FTO: variants seen among roughly 807,000 people sequenced by gnomAD.
The protein encoded by FTO is FTO alpha-ketoglutarate dependent dioxygenase.
A neutral mutation model predicts 63.9 loss-of-function variants in FTO; 47 were observed. That is an observed-to-expected ratio of 0.74 (90% CI 0.58 to 0.94). The LOEUF is 0.94. FTO is among the 40% of genes least tolerant of loss of function. The pLI, the probability that FTO is intolerant of heterozygous loss-of-function variation, is 0.00. For missense variants in FTO, 562 were observed against 618.1 expected (o/e 0.91, Z 0.96); for synonymous variants, 207 against 224.4 (o/e 0.92, Z 0.69).
At chr16:53,812,414 G>A (rs1234529009) in intron 2 of FTO, among the ~76,000 whole-genome samples, 1 of 151,950 alleles carries the variant, frequency 6.6e-6, no homozygotes, top group South Asian at 2.1e-4. Flanking sequence ...GTAGAGACAT[G>A]GTTTCACCAT....
chr16:54,023,206 A>T (rs2084638895), intron 8 of FTO, among the ~76,000 whole-genome samples: 1 of 152,180 alleles, frequency 6.6e-6, no homozygotes, highest in African/African-American at 2.4e-5. Flanking sequence ...ATGCACCTTG[A>T]TGCTTGAGTG....
intron 8 of FTO, among the ~76,000 whole-genome samples, chr16:54,019,045 C>G (rs1396474739): frequency 6.6e-6 from 1 of 152,156 alleles, no homozygotes; most frequent in Non-Finnish European, 1.5e-5. Flanking sequence ...TCAGTTTCTG[C>G]CATCATCACC....
intron 8 of FTO, among the ~76,000 whole-genome samples, chr16:53,986,840 ACT>A (rs2083679784): frequency 6.6e-6 from 1 of 152,100 alleles, no homozygotes; most frequent in African/African-American, 2.4e-5. Context: ...TTGTTATGTC[ACT>A]CTGTTTCTGA....
At chr16:53,855,301 C>G (rs1367421788) in intron 4 of FTO, among the ~76,000 whole-genome samples, 1 of 152,108 alleles carries the variant, frequency 6.6e-6, no homozygotes, top group Non-Finnish European at 1.5e-5. Flanking sequence ...CCTGGTTGCT[C>G]TGGCTGGGAC....
At chr16:53,888,433 T>TTTTAAAAATAAA (rs1283533485) in intron 6 of FTO, among the ~76,000 whole-genome samples, 868 of 149,950 alleles carry the variant, frequency 5.8e-3, no homozygotes, top group East Asian at 0.015. Context: ...GCCAATTTAT[T>TTTTAAAAATAAA]AGTAGCTTGG....
chr16:53,921,294 G>A (rs1271526621), intron 7 of FTO, among the ~76,000 whole-genome samples: 3 of 152,096 alleles, frequency 2.0e-5, no homozygotes, highest in East Asian at 3.9e-4. Context: ...CAGTGTGCCC[G>A]ACAGACCACT....
At chr16:53,739,492 G>T (rs552953982) in intron 1 of FTO, among the ~76,000 whole-genome samples, 2 of 152,120 alleles carry the variant, frequency 1.3e-5, no homozygotes, top group African/African-American at 2.4e-5. Flanking sequence ...GGGATTACAG[G>T]TGTGAGCCAC....
chr16:54,082,158 T>G (rs1428141364), intron 8 of FTO, among the ~76,000 whole-genome samples: 1 of 152,208 alleles, frequency 6.6e-6, no homozygotes, highest in East Asian at 1.9e-4. Flanking sequence ...TAAAGGGACA[T>G]GGCTTTTGTG....
intron 4 of FTO, among the ~76,000 whole-genome samples, chr16:53,863,517 A>G (rs1283319377): frequency 6.6e-6 from 1 of 152,200 alleles, no homozygotes; most frequent in Non-Finnish European, 1.5e-5. Flanking sequence ...AGTATGAGCA[A>G]ACCATGGTAG....
At chr16:53,979,579 G>C in intron 8 of FTO, 1 of 392,386 alleles carries the variant, frequency 2.5e-6, no homozygotes, top group African/African-American at 2.1e-5. Context: ...GCGCGTGTGT[G>C]AATTTCTTGT....
chr16:54,033,767 T>C (rs901707670), intron 8 of FTO, among the ~76,000 whole-genome samples: 1 of 152,152 alleles, frequency 6.6e-6, no homozygotes, highest in Admixed American at 6.5e-5. Flanking sequence ...CAGGGAACTA[T>C]GATCATGCCA....
At chr16:53,789,869 TATATAC>T (rs2077853436) in intron 1 of FTO, among the ~76,000 whole-genome samples, 1 of 15,558 alleles carries the variant, frequency 6.4e-5, no homozygotes. Flanking sequence ...TGTATGTATA[TATATAC>T]AAATTATATA....
At chr16:53,879,799 C>T (rs915179842) in intron 5 of FTO, 45 bp from the exon 6 acceptor site, 24 of 1,588,568 alleles carry the variant, frequency 1.5e-5, no homozygotes, top group Non-Finnish European at 1.8e-5. Flanking sequence ...GTAGAGTAAA[C>T]TTAGATTTTG....
chr16:53,784,965 T>G (rs143638666), intron 1 of FTO, among the ~76,000 whole-genome samples: 32 of 152,204 alleles, frequency 2.1e-4, no homozygotes, highest in African/African-American at 7.2e-4. Context: ...GAGGTTAGAA[T>G]TGGGAAACAA....
At chr16:53,774,267 G>C (rs2077410902) in intron 1 of FTO, among the ~76,000 whole-genome samples, 1 of 152,092 alleles carries the variant, frequency 6.6e-6, no homozygotes, top group Non-Finnish European at 1.5e-5. Flanking sequence ...ACGCACCCTT[G>C]TGTGTCTCCT....
chr16:53,750,460 A>G (rs1386076133), intron 1 of FTO, among the ~76,000 whole-genome samples: 1 of 151,980 alleles, frequency 6.6e-6, no homozygotes, highest in East Asian at 1.9e-4. Flanking sequence ...GCTGTTCTCA[A>G]ACTCCTGACC....
At chr16:53,955,943 A>G (rs1306523642) in intron 8 of FTO, among the ~76,000 whole-genome samples, 1 of 152,162 alleles carries the variant, frequency 6.6e-6, no homozygotes, top group Non-Finnish European at 1.5e-5. Flanking sequence ...CAGGAGTTCA[A>G]GACCGGTCTG....
At chr16:53,835,774 A>G (rs1037986406) in intron 3 of FTO, among the ~76,000 whole-genome samples, 3 of 152,050 alleles carry the variant, frequency 2.0e-5, no homozygotes, top group Non-Finnish European at 4.4e-5. Context: ...CATATGATTT[A>G]GTTAACCTTC....
At chr16:53,859,476 GAT>G (rs1213030277) in intron 4 of FTO, among the ~76,000 whole-genome samples, 1 of 148,602 alleles carries the variant, frequency 6.7e-6, no homozygotes, top group South Asian at 2.1e-4. Context: ...TCATATCAAT[GAT>G]ATATATATTT....
Sources: allele counts gnomAD v4.1 joint callset (sites outside exome capture counted in the v4.1 genomes callset), GRCh38; gene constraint gnomAD v4.1.1; transcripts MANE v1.5; gene names NCBI Gene and HGNC (gene_info 2026-07-23, HGNC 2026-07-21).